Variants in ARHGAP15 observed in about 807,000 individuals in gnomAD.
ARHGAP15 encodes rho GTPase-activating protein 15.
ARHGAP15 carries 51 observed loss-of-function variants against 63.7 expected under a neutral mutation model. The ratio of observed to expected loss-of-function variants is 0.80; its 90% CI spans 0.64 to 1.01. ARHGAP15 has a LOEUF of 1.01. Ranked by LOEUF, ARHGAP15 falls within the 50% of genes least tolerant of loss-of-function variation. ARHGAP15 has a pLI of 0.00. For missense variants in ARHGAP15, 560 were observed against 564.6 expected, an observed-to-expected ratio of 0.99 and a Z score of 0.08; for synonymous variants, 191 against 193.8, an observed-to-expected ratio of 0.99 and a Z score of 0.12.
chr2:143,364,200 CAACAAAAAA>C (rs1686193158), intron 6 of ARHGAP15, among the ~76,000 whole-genome samples: 1 of 141,266 alleles, frequency 7.1e-6, no homozygotes, highest in Non-Finnish European at 1.6e-5. Context: ...CAAACAACAA[CAACAAAAAA>C]AAAAAAAAAA....
chr2:143,638,841 A>T (rs1415143224), intron 12 of ARHGAP15, among the ~76,000 whole-genome samples: 2 of 152,038 alleles, frequency 1.3e-5, no homozygotes, highest in East Asian at 3.9e-4. Context: ...TGTCCATATG[A>T]TTACAATTCT....
chr2:143,338,665 T>TAAA (rs1558904352), intron 6 of ARHGAP15, among the ~76,000 whole-genome samples: 1 of 152,002 alleles, frequency 6.6e-6, no homozygotes, highest in East Asian at 1.9e-4. Context: ...TAGCTTTTTC[T>TAAA]TGCAAACTCT....
intron 11 of ARHGAP15, among the ~76,000 whole-genome samples, chr2:143,576,138 T>C (rs992068299): frequency 2.0e-5 from 3 of 152,128 alleles, no homozygotes; most frequent in African/African-American, 7.2e-5. Flanking sequence ...TTTAACTACG[T>C]TTAAAATACT....
chr2:143,321,604 G>A (rs927809230), intron 6 of ARHGAP15, among the ~76,000 whole-genome samples: 8 of 152,244 alleles, frequency 5.3e-5, no homozygotes, highest in African/African-American at 1.7e-4. Flanking sequence ...GAGATCCTCT[G>A]CCAGACATGG....
chr2:143,490,465 C>T (rs1574521957), intron 9 of ARHGAP15, among the ~76,000 whole-genome samples: 1 of 152,278 alleles, frequency 6.6e-6, no homozygotes, highest in East Asian at 1.9e-4. Flanking sequence ...CCACAAAGCA[C>T]TTAATGTGAA....
chr2:143,400,123 A>G (rs1230661893), intron 6 of ARHGAP15, among the ~76,000 whole-genome samples: 1 of 152,002 alleles, frequency 6.6e-6, no homozygotes, highest in African/African-American at 2.4e-5. Context: ...CAAGCCATTA[A>G]TATAAACAAT....
chr2:143,395,291 T>C (rs970178511), intron 6 of ARHGAP15, among the ~76,000 whole-genome samples: 2 of 152,092 alleles, frequency 1.3e-5, no homozygotes, highest in Admixed American at 1.3e-4. Flanking sequence ...GAGAGAGATT[T>C]CAAGTGAGAA....
chr2:143,302,909 A>G (rs1393393598), intron 6 of ARHGAP15, among the ~76,000 whole-genome samples: 1 of 143,990 alleles, frequency 6.9e-6, no homozygotes, highest in Non-Finnish European at 1.6e-5. Context: ...TCCTCTGTAA[A>G]TAAGTATAAA....
Position 143,416,803 on chromosome 2 carries a change from C to T in ARHGAP15, c.475-18798C>T, listed in dbSNP as rs1168715525. Among the ~76,000 whole-genome samples, 4 of 146,996 alleles carry T rather than the reference C, an allele frequency of 2.7e-5. No homozygotes were observed. The South Asian group carries it at 9.0e-4, about 33-fold the overall frequency. ...CCCTGCCTCTGCCCTTGCTTCCCTG[C>T]CTGCCACTTCCCCCACCACCCCCCC... On this transcript the variant is annotated intron_variant, in intron 6 of 13. Coordinates refer to ENST00000295095, the MANE Select transcript of ARHGAP15 (RefSeq NM_018460.4).
intron 2 of ARHGAP15, among the ~76,000 whole-genome samples, chr2:143,189,270 T>A (rs894753488): frequency 6.6e-6 from 1 of 152,144 alleles, no homozygotes; most frequent in African/African-American, 2.4e-5. Context: ...GATTTTACAA[T>A]CTTTTCTTAG....
intron 8 of ARHGAP15, among the ~76,000 whole-genome samples, chr2:143,478,638 T>C (rs1691932920): frequency 6.6e-6 from 1 of 152,188 alleles, no homozygotes; most frequent in African/African-American, 2.4e-5. Context: ...TGATAAGGAT[T>C]AAATGAGATC....
chr2:143,514,980 C>A (rs932687279), intron 9 of ARHGAP15, among the ~76,000 whole-genome samples: 3 of 152,164 alleles, frequency 2.0e-5, no homozygotes, highest in African/African-American at 4.8e-5. Context: ...AAAATAAACA[C>A]TGCACACTCT....
chr2:143,645,319 T>C lies in ARHGAP15; in HGVS notation c.1138+21052T>C, dbSNP rs1206929733. ...TACACTGTCATTAAGTGTACTTAGA[T>C]TTGTACCATATAATTATTATGATTG... On this transcript the variant is annotated intron_variant, in intron 12 of 13. Transcript: ENST00000295095. Among the ~76,000 whole-genome samples the C allele has an allele frequency of 2.0e-5, 3 of 152,196 alleles. No individual in the cohort carries two copies. In the East Asian group the frequency reaches 5.8e-4, roughly 29 times the overall value.
At chr2:143,442,837 G>A (rs1574457000) in intron 8 of ARHGAP15, among the ~76,000 whole-genome samples, 1 of 152,104 alleles carries the variant, frequency 6.6e-6, no homozygotes, top group South Asian at 2.1e-4. Context: ...GTATGTCCAT[G>A]TGCCTAATTC....
chr2:143,199,248 G>C (rs1238577215), intron 2 of ARHGAP15, among the ~76,000 whole-genome samples: 2 of 152,022 alleles, frequency 1.3e-5, no homozygotes, highest in Non-Finnish European at 2.9e-5. Context: ...CTTTCATTTA[G>C]ACGTTAATTG....
intron 10 of ARHGAP15, among the ~76,000 whole-genome samples, chr2:143,537,694 T>G (rs933554131): frequency 2.0e-5 from 3 of 152,154 alleles, no homozygotes; most frequent in African/African-American, 7.2e-5. Flanking sequence ...GCTGTAGATA[T>G]GCAGCATTAT....
chr2:143,526,965 T>C (rs951020780), intron 10 of ARHGAP15, among the ~76,000 whole-genome samples: 4 of 152,176 alleles, frequency 2.6e-5, no homozygotes, highest in Non-Finnish European at 5.9e-5. Context: ...AATCTATACA[T>C]TGTATTTGTG....
intron 13 of ARHGAP15, among the ~76,000 whole-genome samples, chr2:143,764,084 G>A (rs1165971314): frequency 4.0e-5 from 6 of 151,822 alleles, no homozygotes; most frequent in East Asian, 1.9e-4. Context: ...TATTTAAAAC[G>A]TGCATAAGTT....
At chr2:143,748,570 G>A (rs544234117) in intron 13 of ARHGAP15, among the ~76,000 whole-genome samples, 6 of 152,294 alleles carry the variant, frequency 3.9e-5, no homozygotes, top group Non-Finnish European at 7.3e-5. Context: ...TTTGCTGCGT[G>A]TATTTGTTTC....
Sources: gnomAD v4.1 joint callset for allele counts (sites outside exome capture counted in the v4.1 genomes callset) on GRCh38, gnomAD v4.1.1 for gene constraint, MANE v1.5 for transcripts, NCBI Gene and HGNC (gene_info 2026-07-23, HGNC 2026-07-21) for gene names.